TENM2: variants seen among roughly 807,000 people sequenced by gnomAD.
The protein encoded by TENM2 is teneurin-2.
A neutral mutation model predicts 245.2 loss-of-function variants in TENM2; 52 were observed. That is an observed-to-expected ratio of 0.21 (90% CI 0.17 to 0.27). The LOEUF (loss-of-function observed/expected upper bound fraction) is 0.27. TENM2 is among the 10% of genes least tolerant of loss of function. TENM2 has a pLI of 1.00. For synonymous variants in TENM2, 1,363 were observed against 1,438.9 expected (o/e 0.95, Z 1.19); for missense variants, 3,046 against 3,666.8 (o/e 0.83, Z 4.37).
intron 2 of TENM2, among the ~76,000 whole-genome samples, chr5:167,529,991 G>A (rs990956682): frequency 1.3e-5 from 2 of 152,164 alleles, no homozygotes; most frequent in Non-Finnish European, 2.9e-5. Flanking sequence ...AAGAAAAATA[G>A]ATGTTCCTTG....
At chr5:167,972,307 T>C (rs1781851373) in intron 4 of TENM2, among the ~76,000 whole-genome samples, 2 of 152,234 alleles carry the variant, frequency 1.3e-5, no homozygotes, top group African/African-American at 4.8e-5. Flanking sequence ...TTAATATAAA[T>C]GGAATCATAT....
chr5:168,167,980 G>C lies in TENM2; in HGVS notation c.2569+5223G>C, dbSNP rs565129553. 6.6e-5 allele frequency among the ~76,000 whole-genome samples: 10 copies of C among 152,276 alleles called. No homozygotes were observed. The South Asian group carries it at 1.0e-3, about 16-fold the overall frequency. Reference sequence around the variant, plus strand: ...TATTAATGTTATTTTCTAGAAAGGAGACTGAATTCATATAGATGGAACCCA... The same window carrying C: ...TATTAATGTTATTTTCTAGAAAGGACACTGAATTCATATAGATGGAACCCA... On this transcript the variant is annotated intron_variant, in intron 13 of 28. Coordinates refer to ENST00000518659, the Ensembl canonical transcript of TENM2.
chr5:167,548,745 A>G (rs1772737160), intron 2 of TENM2, among the ~76,000 whole-genome samples: 1 of 152,178 alleles, frequency 6.6e-6, no homozygotes, highest in Non-Finnish European at 1.5e-5. Context: ...AAAATGCTGA[A>G]TCAAATGGTT....
At chr5:166,981,971 T>A in the TENM2 span, among the ~76,000 whole-genome samples, 1 of 152,212 alleles carries the variant, frequency 6.6e-6, no homozygotes, top group African/African-American at 2.4e-5. Context: ...ATGGGTTTAT[T>A]ATGATAATAA....
At chr5:168,173,919 G>A (rs960127081) in intron 13 of TENM2, among the ~76,000 whole-genome samples, 6 of 152,202 alleles carry the variant, frequency 3.9e-5, no homozygotes, top group Non-Finnish European at 8.8e-5. Flanking sequence ...CGAAGGGAAC[G>A]GCAAATGCAC....
chr5:167,668,618 G>A (rs78675302), intron 2 of TENM2, among the ~76,000 whole-genome samples: 3 of 152,078 alleles, frequency 2.0e-5, no homozygotes, highest in Non-Finnish European at 4.4e-5. Flanking sequence ...TCCTAAAACC[G>A]TTCTGAGAGA....
At chr5:167,619,712 A>G (rs1778032567) in intron 2 of TENM2, among the ~76,000 whole-genome samples, 1 of 152,134 alleles carries the variant, frequency 6.6e-6, no homozygotes, top group South Asian at 2.1e-4. Context: ...TAATGCATGC[A>G]ATGTTTTTAA....
the TENM2 span, among the ~76,000 whole-genome samples, chr5:167,236,404 C>G: frequency 2.6e-5 from 4 of 151,962 alleles, no homozygotes; most frequent in East Asian, 7.7e-4. Flanking sequence ...TTGAAGTAAC[C>G]TCTGAGAAAG....
Position 167,538,178 on chromosome 5 carries a change from A to T in TENM2, c.502+162705A>T, listed in dbSNP as rs555654772. ...GGTGAATATCCATGAATCTGATGAT[A>T]CTTGAAGACACTGACTCTCATAAAT... On this transcript the variant is annotated intron_variant, in intron 2 of 28. Coordinates refer to ENST00000518659, the Ensembl canonical transcript of TENM2. Among the ~76,000 whole-genome samples, 41 of 152,338 alleles carry T rather than the reference A, an allele frequency of 2.7e-4. No homozygotes were observed. In the South Asian group the frequency reaches 8.3e-3, roughly 31 times the overall value.
chr5:168,033,800 G>A (rs1435562291), intron 5 of TENM2, among the ~76,000 whole-genome samples: 1 of 152,002 alleles, frequency 6.6e-6, no homozygotes, highest in Non-Finnish European at 1.5e-5. Flanking sequence ...TCTGAGGTGG[G>A]CAGATCACTT....
intron 2 of TENM2, among the ~76,000 whole-genome samples, chr5:167,872,351 A>AAAGAAAGAAAGG (rs1772939649): frequency 1.4e-5 from 2 of 139,476 alleles, no homozygotes; most frequent in African/African-American, 5.6e-5. Flanking sequence ...AGAAAGAAAG[A>AAAGAAAGAAAGG]AAGGAAAGAG....
chr5:167,744,953 G>A (rs1280347576), intron 2 of TENM2, among the ~76,000 whole-genome samples: 1 of 152,140 alleles, frequency 6.6e-6, no homozygotes, highest in Non-Finnish European at 1.5e-5. Context: ...ACTGACTCAT[G>A]GTCTTCCAGG....
At chr5:168,061,983 C>G in intron 6 of TENM2, 77 bp from the exon 9 acceptor site, 1 of 1,292,738 alleles carries the variant, frequency 7.7e-7, no homozygotes, top group Non-Finnish European at 1.0e-6. Flanking sequence ...AAAAACCTGG[C>G]ATGTAATTAA....
chr5:167,179,549 G>T, the TENM2 span, among the ~76,000 whole-genome samples: 6 of 151,956 alleles, frequency 3.9e-5, no homozygotes, highest in Non-Finnish European at 7.4e-5. Flanking sequence ...AGTAAATAAG[G>T]CTTATTGGTG....
intron 3 of TENM2, among the ~76,000 whole-genome samples, chr5:167,918,091 A>G (rs1415629561): frequency 1.3e-5 from 2 of 152,230 alleles, no homozygotes; most frequent in East Asian, 3.8e-4. Flanking sequence ...AGGTTAAACA[A>G]CAGTGAGAAA....
intron 4 of TENM2, among the ~76,000 whole-genome samples, chr5:167,988,787 G>C (rs1580979497): frequency 6.6e-6 from 1 of 152,210 alleles, no homozygotes; most frequent in South Asian, 2.1e-4. Context: ...AGGGAGAAAG[G>C]GCGCTTTGTT....
intron 2 of TENM2, among the ~76,000 whole-genome samples, chr5:167,614,428 A>G (rs1673897056): frequency 1.3e-5 from 2 of 152,088 alleles, no homozygotes; most frequent in Non-Finnish European, 2.9e-5. Context: ...GTGAGGTGGT[A>G]GTAATATACG....
intron 5 of TENM2, among the ~76,000 whole-genome samples, chr5:168,039,915 G>T (rs553419131): frequency 7.2e-5 from 11 of 152,192 alleles, no homozygotes; most frequent in African/African-American, 2.4e-4. Context: ...GACGCTGCCA[G>T]TCGGGGAGCC....
chr5:167,477,016 T>G (rs1177782929), intron 2 of TENM2, among the ~76,000 whole-genome samples: 10 of 152,200 alleles, frequency 6.6e-5, no homozygotes, highest in Admixed American at 5.9e-4. Context: ...AAAAATAATG[T>G]TCCATAAAAA....
Sources: gnomAD v4.1 joint callset for allele counts (sites outside exome capture counted in the v4.1 genomes callset) on GRCh38, gnomAD v4.1.1 for gene constraint, MANE v1.5 for transcripts, NCBI Gene and HGNC (gene_info 2026-07-23, HGNC 2026-07-21) for gene names.